TBC1D1: variants seen among roughly 807,000 people sequenced by gnomAD.
The protein encoded by TBC1D1 is TBC1 (tre-2/USP6, BUB2, cdc16) domain family, member 1.
Under a neutral mutation model 125.6 loss-of-function variants are expected in TBC1D1, and 89 were observed. The observed-to-expected ratio is 0.71, with a 90% confidence interval of 0.60 to 0.85. TBC1D1 has a LOEUF of 0.85. TBC1D1 is among the 40% of genes least tolerant of loss of function. The probability of loss-of-function intolerance (pLI) is 0.00; values close to 1 mark genes in which losing one functional copy is unlikely to be tolerated. For synonymous variants in TBC1D1, 565 were observed against 564.1 expected, an observed-to-expected ratio of 1.00 and a Z score of -0.02; for missense variants, 1,377 against 1,469.2, an observed-to-expected ratio of 0.94 and a Z score of 1.03.
chr4:38,093,541 T>G (rs1241378429), intron 13 of TBC1D1, among the ~76,000 whole-genome samples: 2 of 141,702 alleles, frequency 1.4e-5, no homozygotes, highest in Non-Finnish European at 3.1e-5. Context: ...TTTTTTTTTT[T>G]GAGACAGAGT....
Position 38,049,628 on chromosome 4 carries a change from T to G in TBC1D1, c.1640T>G (p.Val547Gly). 6.2e-7 allele frequency: 1 copy of G among 1,607,392 alleles called. No homozygotes were observed. The change falls in exon 11 of 20, where the codon GTG (valine) becomes GGG (glycine). Residue 547 changes from valine to glycine, a missense_variant. This residue lies in a region of TBC1D1 where 822 missense variants were observed against 824.6 expected (regional missense o/e 1.00). Coordinates refer to ENST00000261439, the MANE Select transcript of TBC1D1 (RefSeq NM_015173.4). ...TGTGTTTGCTCCCAGGAGCCATCTGTGTGTGAAAAGGAGGCCTTGCCCATC... is the reference window on the plus strand; with the variant it reads ...TGTGTTTGCTCCCAGGAGCCATCTGGGTGTGAAAAGGAGGCCTTGCCCATC...
chr4:38,056,809 C>CG (rs199778323), intron 12 of TBC1D1, among the ~76,000 whole-genome samples: 66 of 149,568 alleles, frequency 4.4e-4, no homozygotes, highest in African/African-American at 1.4e-3. Flanking sequence ...CCTTGTCTCG[C>CG]GGGGTGGGGG....
intron 17 of TBC1D1, among the ~76,000 whole-genome samples, chr4:38,119,609 T>C (rs1763529711): frequency 6.6e-6 from 1 of 152,220 alleles, no homozygotes; most frequent in Non-Finnish European, 1.5e-5. Flanking sequence ...AGCTCTAGGC[T>C]TTAAGCTTTC....
chr4:38,129,567 A>G (rs1578857755), intron 18 of TBC1D1, among the ~76,000 whole-genome samples: 1 of 152,150 alleles, frequency 6.6e-6, no homozygotes, highest in East Asian at 1.9e-4. Context: ...TGGTATGACA[A>G]TGGGACCAGC....
intron 19 of TBC1D1, 135 bp downstream of exon 21, chr4:38,133,392 C>T: frequency 2.8e-6 from 2 of 712,336 alleles, no homozygotes; most frequent in Non-Finnish European, 4.5e-6. Flanking sequence ...TAGTTGGGAT[C>T]AAAGGTATCC....
At chr4:38,131,591 C>T (rs866615033) in intron 18 of TBC1D1, among the ~76,000 whole-genome samples, 4 of 152,264 alleles carry the variant, frequency 2.6e-5, no homozygotes, top group Middle Eastern at 3.4e-3. Context: ...GGGAGGTAGG[C>T]GCTGTCTGCC....
chr4:38,084,004 C>A (rs1757043499), intron 12 of TBC1D1, among the ~76,000 whole-genome samples: 1 of 145,910 alleles, frequency 6.9e-6, no homozygotes, highest in Non-Finnish European at 1.5e-5. Context: ...GTGGCACTAT[C>A]TTGGCTCACT....
chr4:37,912,555 G>A (rs893911601), intron 2 of TBC1D1, among the ~76,000 whole-genome samples: 1 of 152,198 alleles, frequency 6.6e-6, no homozygotes, highest in Admixed American at 6.5e-5. Context: ...GCTGTGGTCT[G>A]AATGTGTCTT....
At chr4:37,925,263 G>A (rs998965388) in intron 2 of TBC1D1, among the ~76,000 whole-genome samples, 2 of 152,172 alleles carry the variant, frequency 1.3e-5, no homozygotes, top group Non-Finnish European at 2.9e-5. Flanking sequence ...TTCACACATG[G>A]TGTCTTGTCT....
intron 2 of TBC1D1, among the ~76,000 whole-genome samples, chr4:37,920,584 G>A (rs1238933162): frequency 6.6e-6 from 1 of 152,202 alleles, no homozygotes; most frequent in African/African-American, 2.4e-5. Flanking sequence ...AGCCGTTTGA[G>A]GGATGTTCAA....
At chr4:38,135,382 G>A (rs559513198) in intron 19 of TBC1D1, among the ~76,000 whole-genome samples, 2 of 152,330 alleles carry the variant, frequency 1.3e-5, no homozygotes, top group East Asian at 3.9e-4. Context: ...ACATGGATTT[G>A]TCATAATCCG....
At chr4:38,096,451 C>T (rs1441477421) in intron 14 of TBC1D1, among the ~76,000 whole-genome samples, 1 of 152,228 alleles carries the variant, frequency 6.6e-6, no homozygotes, top group Non-Finnish European at 1.5e-5. Flanking sequence ...GTGGGGAGCA[C>T]AGACTTCAGA....
At chr4:38,108,158 T>A (rs970868832) in intron 15 of TBC1D1, among the ~76,000 whole-genome samples, 2 of 152,146 alleles carry the variant, frequency 1.3e-5, no homozygotes, top group African/African-American at 2.4e-5. Flanking sequence ...CAGCATCCTG[T>A]CTTCTGTCTG....
chr4:38,097,501 G>A (rs955557589), intron 14 of TBC1D1, among the ~76,000 whole-genome samples: 4 of 152,068 alleles, frequency 2.6e-5, no homozygotes, highest in African/African-American at 9.7e-5. Context: ...CACCATGCCC[G>A]GGTAAATTTT....
chr4:38,093,102 G>A (rs1458694137), intron 13 of TBC1D1, among the ~76,000 whole-genome samples: 2 of 152,108 alleles, frequency 1.3e-5, no homozygotes, highest in African/African-American at 2.4e-5. Context: ...AGGACCTGCT[G>A]TACTATGTAC....
intron 2 of TBC1D1, among the ~76,000 whole-genome samples, chr4:37,962,118 G>A (rs1730180205): frequency 6.6e-6 from 1 of 152,216 alleles, no homozygotes; most frequent in Non-Finnish European, 1.5e-5. Context: ...TGGTGTCCAA[G>A]TACTTCCCCC....
At chr4:38,002,765 A>C (rs928811761) in intron 2 of TBC1D1, among the ~76,000 whole-genome samples, 1 of 152,202 alleles carries the variant, frequency 6.6e-6, no homozygotes, top group Non-Finnish European at 1.5e-5. Context: ...GACGCTCTTA[A>C]AAATTATGGG....
At chr4:37,925,338 A>C (rs12650918) in intron 2 of TBC1D1, among the ~76,000 whole-genome samples, 58,167 of 152,122 alleles carry the variant, frequency 0.38, 11,581 homozygotes, top group East Asian at 0.67. Context: ...AGCCTCTTTC[A>C]TTTCCTAACC....
intron 15 of TBC1D1, among the ~76,000 whole-genome samples, chr4:38,108,841 A>G (rs28673489): frequency 0.01 from 1,528 of 152,368 alleles, 22 homozygotes; most frequent in African/African-American, 0.035. Context: ...TTTAGAATCC[A>G]TAAAAGATGA....
Sources: allele counts gnomAD v4.1 joint callset (sites outside exome capture counted in the v4.1 genomes callset), GRCh38; gene constraint gnomAD v4.1.1; regional missense constraint gnomAD v4.1.1; transcripts MANE v1.5; gene names NCBI Gene and HGNC (gene_info 2026-07-23, HGNC 2026-07-21).